GOLGA5: variants seen among roughly 807,000 people sequenced by gnomAD.
GOLGA5 encodes the protein golgin subfamily A member 5.
A neutral mutation model predicts 93.5 loss-of-function variants in GOLGA5; 50 were observed. The ratio of observed to expected loss-of-function variants is 0.53; its 90% CI spans 0.43 to 0.68. The LOEUF (loss-of-function observed/expected upper bound fraction) is 0.68. Ranked by LOEUF, GOLGA5 falls within the 30% of genes least tolerant of loss-of-function variation. GOLGA5 has a pLI of 0.00. For missense variants in GOLGA5, 760 were observed against 856.4 expected (o/e 0.89, Z 1.40); for synonymous variants, 312 against 304.5 (o/e 1.02, Z -0.26).
chr14:92,827,179 CTTGT>C (rs1885440902), intron 9 of GOLGA5, among the ~76,000 whole-genome samples: 1 of 152,068 alleles, frequency 6.6e-6, no homozygotes, highest in African/African-American at 2.4e-5. Flanking sequence ...AAAAGCACAC[CTTGT>C]TTTATTGCAT....
intron 2 of GOLGA5, among the ~76,000 whole-genome samples, chr14:92,801,583 C>G (rs938827112): frequency 1.3e-5 from 2 of 152,090 alleles, no homozygotes; most frequent in Non-Finnish European, 2.9e-5. Context: ...TCCCCTCTGT[C>G]TATGGCATCT....
intron 6 of GOLGA5, among the ~76,000 whole-genome samples, chr14:92,815,275 A>T (rs1885179274): frequency 1.3e-5 from 2 of 152,264 alleles, no homozygotes; most frequent in South Asian, 4.1e-4. Context: ...CCCATATTTC[A>T]AGGCCAACAT....
intron 10 of GOLGA5, among the ~76,000 whole-genome samples, chr14:92,834,878 C>G (rs1287005571): frequency 6.6e-6 from 1 of 152,156 alleles, no homozygotes; most frequent in Non-Finnish European, 1.5e-5. Context: ...TTGCATTAAT[C>G]CATGTGAGAG....
At chr14:92,826,364 T>C (rs904001062) in intron 9 of GOLGA5, among the ~76,000 whole-genome samples, 1 of 152,136 alleles carries the variant, frequency 6.6e-6, no homozygotes, top group African/African-American at 2.4e-5. Flanking sequence ...ATTATGCTTA[T>C]TATTTTTGGG....
intron 9 of GOLGA5, among the ~76,000 whole-genome samples, chr14:92,832,818 A>G (rs1033655509): frequency 1.3e-5 from 2 of 152,220 alleles, no homozygotes; most frequent in Non-Finnish European, 2.9e-5. Context: ...CAGTACTGAC[A>G]TGCACTTACA....
chr14:92,802,217 C>G (rs552196675), intron 2 of GOLGA5, among the ~76,000 whole-genome samples: 6 of 152,178 alleles, frequency 3.9e-5, no homozygotes, highest in Admixed American at 1.3e-4. Flanking sequence ...ATTGTTTTCT[C>G]CATAAAGATC....
chr14:92,821,966 CCT>C (rs2140328024), intron 8 of GOLGA5, among the ~76,000 whole-genome samples: 1 of 152,242 alleles, frequency 6.6e-6, no homozygotes, highest in African/African-American at 2.4e-5. Context: ...CTTCCCAGTG[CCT>C]TTTTAAAATG....
intron 5 of GOLGA5, chr14:92,810,690 A>T (rs1273863600): frequency 6.0e-6 from 1 of 167,730 alleles, no homozygotes; most frequent in African/African-American, 2.4e-5. Flanking sequence ...GTTTTTTATT[A>T]ATTTAAGTTT....
rs998938432 is a variant in GOLGA5, at chr14:92,800,467, G to A, written c.544+2486G>A. On this transcript the variant is annotated intron_variant, in intron 2 of 12. Transcript: ENST00000163416. ...GGAAACACTGAGTGAGTTGGAGGGT[G>A]ATGAAGAAAATGTAGCTAGCAAACA... Among the ~76,000 whole-genome samples, 12 of 152,362 alleles carry A rather than the reference G, an allele frequency of 7.9e-5. No homozygotes were observed. In the South Asian group the frequency reaches 2.3e-3, roughly 29 times the overall value.
At chr14:92,819,886 T>C (rs369575951) in intron 8 of GOLGA5, 50 bp downstream of exon 8, 16 of 1,585,610 alleles carry the variant, frequency 1.0e-5, no homozygotes, top group Non-Finnish European at 1.0e-5. Flanking sequence ...CTAGCGGTCA[T>C]ATGAGCAGAC....
intron 2 of GOLGA5, among the ~76,000 whole-genome samples, chr14:92,800,801 A>C (rs11848604): frequency 0.063 from 9,650 of 152,254 alleles, 361 homozygotes; most frequent in Middle Eastern, 0.12. Context: ...GAGTTGACAT[A>C]GCTTATTTTT....
chr14:92,797,492 G>A lies in GOLGA5; in HGVS notation c.55G>A (p.Asp19Asn). The change falls in exon 2 of 13, where the codon GAT (aspartate) becomes AAT (asparagine). Residue 19 changes from aspartate (D) to asparagine (N), a missense_variant. Coordinates refer to ENST00000163416, the MANE Select transcript of GOLGA5 (RefSeq NM_005113.4). ...GGCAGAAGATCTTTTAAACCGAGTT[G>A]ATCAAGGGGCTGCAACAGCTCTCAG... ...GKAEDLLNRV[D>N]QGAATALSRK... The A allele has an allele frequency of 1.9e-6, 3 of 1,613,578 alleles. No homozygotes were observed. Among genetic ancestry groups the A allele is most frequent in the Non-Finnish European group, 2.5e-6 (3 of 1,179,732 alleles).
At chr14:92,835,746 C>G in intron 11 of GOLGA5, 82 bp downstream of exon 11, 1 of 714,754 alleles carries the variant, frequency 1.4e-6, no homozygotes, top group Non-Finnish European at 2.5e-6. Context: ...TGACTCCCAT[C>G]AGGCAGAGTC....
In GOLGA5 at chr14:92,839,362, C is replaced by G. The variant is rs370755126; in HGVS notation, c.2116-4C>G. On this transcript the variant is annotated splice_polypyrimidine_tract_variant and splice_region_variant and intron_variant, in intron 12 of 12. Transcript: ENST00000163416. ...AATCCACAAATTGCTTTTTCTTTCT[C>G]TAGGCTTTGCTTCACCTCTGGGTCA... is the stretch of plus-strand genomic sequence containing the variant. 7.0e-5 allele frequency: 113 copies of G among 1,608,384 alleles called. No homozygotes were observed. Among genetic ancestry groups the G allele is most frequent in the Non-Finnish European group, 9.1e-5 (107 of 1,175,130 alleles).
At chr14:92,820,146 TC>T (rs1358263800) in intron 8 of GOLGA5, among the ~76,000 whole-genome samples, 2 of 152,200 alleles carry the variant, frequency 1.3e-5, no homozygotes, top group Non-Finnish European at 2.9e-5. Flanking sequence ...GTCTCTGCGT[TC>T]CCTCAGTATT....
chr14:92,831,301 A>G (rs11851278), intron 9 of GOLGA5, among the ~76,000 whole-genome samples: 485 of 152,344 alleles, frequency 3.2e-3, no homozygotes, highest in Middle Eastern at 0.014. Flanking sequence ...TTGTACATGA[A>G]TATTTGTAAC....
chr14:92,815,289 T>C (rs1885179585), intron 6 of GOLGA5, among the ~76,000 whole-genome samples: 1 of 152,220 alleles, frequency 6.6e-6, no homozygotes, highest in African/African-American at 2.4e-5. Context: ...CCAACATTTA[T>C]GCTCTCTTAA....
rs770476782 is a variant in GOLGA5, at chr14:92,819,866, ACT to A, written c.1620+33_1620+34del. 6 of 1,608,772 alleles carry A rather than the reference ACT, an allele frequency of 3.7e-6. No individual in the cohort carries two copies. The Admixed American group carries it at 5.0e-5, about 14-fold the overall frequency. ...GGATTTGAGATTGATGACTTCTGAG[ACT>A]CTGTCCTCTAGCGGTCATATGAGCA... On this transcript the variant is annotated intron_variant, in intron 8 of 12. Coordinates refer to ENST00000163416, the MANE Select transcript of GOLGA5 (RefSeq NM_005113.4).
At chr14:92,810,897 G>A (rs754049073) in intron 5 of GOLGA5, among the ~76,000 whole-genome samples, 29 of 152,220 alleles carry the variant, frequency 1.9e-4, no homozygotes, top group Non-Finnish European at 3.4e-4. Flanking sequence ...TAGGGACTAG[G>A]TATTGACACT....
Sources: gnomAD v4.1 joint callset for allele counts (sites outside exome capture counted in the v4.1 genomes callset) on GRCh38, gnomAD v4.1.1 for gene constraint, MANE v1.5 for transcripts, NCBI Gene and HGNC (gene_info 2026-07-23, HGNC 2026-07-21) for gene names.